The following TRPM6 variants were observed in gnomAD, a reference collection of about 807,000 sequenced individuals.
The protein encoded by TRPM6 is transient receptor potential cation channel subfamily M member 6.
Under a neutral mutation model 247.6 loss-of-function variants are expected in TRPM6, and 111 were observed. The observed-to-expected ratio is 0.45, with a 90% confidence interval of 0.38 to 0.52. The LOEUF is 0.52. Among genes scored for constraint, TRPM6 ranks in the 20% least tolerant of loss-of-function variants. The probability of loss-of-function intolerance (pLI) is 0.00; values close to 1 mark genes in which losing one functional copy is unlikely to be tolerated. For synonymous variants in TRPM6, 892 were observed against 853.8 expected (o/e 1.04, Z -0.78); for missense variants, 2,126 against 2,421.5 (o/e 0.88, Z 2.56).
intron 1 of TRPM6, among the ~76,000 whole-genome samples, chr9:74,873,077 T>C (rs1365621202): frequency 1.3e-5 from 2 of 152,272 alleles, no homozygotes; most frequent in African/African-American, 2.4e-5. Context: ...TCCTACCTGA[T>C]CTCTTGCCCC....
Position 74,754,824 on chromosome 9 carries a change from G to A in TRPM6, c.4906+529C>T, listed in dbSNP as rs545370499. 4.6e-5 allele frequency among the ~76,000 whole-genome samples: 7 copies of A among 152,108 alleles called. No homozygotes were observed. In the East Asian group the frequency reaches 1.4e-3, roughly 29 times the overall value. On this transcript the variant is annotated intron_variant, in intron 28 of 38. Coordinates refer to ENST00000360774, the MANE Select transcript of TRPM6 (RefSeq NM_017662.5). ...CTTACCTGTCCAGACCTATTTCACCGTCCAGGCCTAGCCCATAGTATTCAT... is the reference window on the plus strand; with the variant it reads ...CTTACCTGTCCAGACCTATTTCACCATCCAGGCCTAGCCCATAGTATTCAT...
At chr9:74,725,407 A>T (rs1825282155) in intron 38 of TRPM6, among the ~76,000 whole-genome samples, 1 of 152,178 alleles carries the variant, frequency 6.6e-6, no homozygotes, top group Middle Eastern at 3.2e-3. Flanking sequence ...TGGAAATAAA[A>T]CTAATACATA....
At position 74,802,116 on chromosome 9, in the gene TRPM6, A is replaced by T; in HGVS notation, c.1791T>A (p.Asp597Glu). The T allele has an allele frequency of 4.3e-6, 7 of 1,614,158 alleles. No individual in the cohort carries two copies. The highest frequency in any genetic ancestry group is 5.9e-6 in the Non-Finnish European group (7 of 1,179,980). ...RKKSKEQNVS[D>E]DPESTGFLYP... The stretch of plus-strand genomic sequence containing the variant: ...AAAGAAAGCCAGTAGACTCAGGGTC[A>T]TCTGATACATTTTGTTCTTTTGACT... Residue 597 changes from aspartate to glutamate, a missense_variant, in exon 16 of 39, where the codon GAT becomes GAA. Coordinates refer to ENST00000360774, the MANE Select transcript of TRPM6 (RefSeq NM_017662.5).
At chr9:74,850,678 C>A (rs1285697701) in intron 3 of TRPM6, among the ~76,000 whole-genome samples, 1 of 151,994 alleles carries the variant, frequency 6.6e-6, no homozygotes, top group East Asian at 1.9e-4. Flanking sequence ...CGAGATCACA[C>A]CATTGCACTT....
rs7863849 is a variant in TRPM6 at position 74,818,723 on chromosome 9, A to T, written c.1134+1581T>A. On this transcript the variant is annotated intron_variant, in intron 9 of 38. Transcript: ENST00000360774. ...TGAACTCACTCACAGGGCTATTTCA[A>T]ATGAAAAGAATACATTTAGAAGCAT... 4.3e-3 allele frequency among the ~76,000 whole-genome samples: 656 copies of T among 152,314 alleles called. 6 individuals are homozygous for T. Among genetic ancestry groups the T allele is most frequent in the African/African-American group, 0.015 (620 of 41,578 alleles).
At chr9:74,752,461 T>A (rs1826281846) in intron 28 of TRPM6, 93 bp from the exon 29 acceptor site, 2 of 742,188 alleles carry the variant, frequency 2.7e-6, no homozygotes, top group Non-Finnish European at 4.6e-6. Flanking sequence ...ACACAGTACA[T>A]TCATTTAAAC....
chr9:74,847,441 C>T (rs182024509), intron 3 of TRPM6, among the ~76,000 whole-genome samples: 1 of 152,198 alleles, frequency 6.6e-6, no homozygotes, highest in Admixed American at 6.5e-5. Context: ...CTCAGTCTCC[C>T]AAAGTGCTGG....
At chr9:74,878,031 G>A (rs1284950576) in intron 1 of TRPM6, among the ~76,000 whole-genome samples, 1 of 152,016 alleles carries the variant, frequency 6.6e-6, no homozygotes, top group Non-Finnish European at 1.5e-5. Flanking sequence ...GTTGGCACCT[G>A]AGCTCTCCTC....
intron 30 of TRPM6, among the ~76,000 whole-genome samples, chr9:74,750,112 A>C (rs910840224): frequency 2.0e-5 from 3 of 152,194 alleles, no homozygotes; most frequent in African/African-American, 4.8e-5. Context: ...TGAGTTCTCT[A>C]TCTTCTTTCT....
At chr9:74,855,462 T>C (rs1294172015) in intron 3 of TRPM6, 65 bp downstream of exon 3, 1 of 1,082,072 alleles carries the variant, frequency 9.2e-7, no homozygotes, top group African/African-American at 1.5e-5. Flanking sequence ...ATGAGGAAAC[T>C]GTCCCAGTGA....
chr9:74,848,995 C>A (rs1200976593), intron 3 of TRPM6, among the ~76,000 whole-genome samples: 1 of 152,132 alleles, frequency 6.6e-6, no homozygotes. Context: ...TGTTTTCTGA[C>A]AAAATTCATA....
intron 30 of TRPM6, among the ~76,000 whole-genome samples, chr9:74,748,174 G>A (rs767543360): frequency 2.6e-5 from 4 of 152,110 alleles, no homozygotes; most frequent in African/African-American, 4.8e-5. Flanking sequence ...ATGTCACAGC[G>A]CAATGCATTA....
intron 7 of TRPM6, among the ~76,000 whole-genome samples, chr9:74,822,084 A>T (rs1222367553): frequency 2.6e-5 from 4 of 152,122 alleles, no homozygotes; most frequent in African/African-American, 7.2e-5. Context: ...GCTTTCAATA[A>T]TTTTTCAAAA....
intron 1 of TRPM6, chr9:74,887,296 A>AG: frequency 7.3e-7 from 1 of 1,362,514 alleles, no homozygotes; most frequent in African/African-American, 1.5e-5. Flanking sequence ...GGGGACGCGC[A>AG]GGGGCGCGGA....
chr9:74,820,143 T>C, intron 9 of TRPM6, 161 bp downstream of exon 9: 2 of 737,264 alleles, frequency 2.7e-6, no homozygotes, highest in Non-Finnish European at 4.6e-6. Context: ...ATTAGCTATT[T>C]ATCCTGATTT....
intron 31 of TRPM6, 67 bp downstream of exon 31, chr9:74,747,822 G>A (rs553421395): frequency 7.7e-7 from 1 of 1,295,220 alleles, no homozygotes; most frequent in South Asian, 1.2e-5. Context: ...AATATCAGCA[G>A]GACAGTGAAC....
At chr9:74,805,012 T>C (rs1828484057) in intron 14 of TRPM6, among the ~76,000 whole-genome samples, 1 of 152,314 alleles carries the variant, frequency 6.6e-6, no homozygotes, top group Admixed American at 6.5e-5. Context: ...TTAAAATTAG[T>C]TTAATTTTAC....
At chr9:74,808,726 G>A (rs1407480615) in intron 13 of TRPM6, among the ~76,000 whole-genome samples, 1 of 152,180 alleles carries the variant, frequency 6.6e-6, no homozygotes, top group Admixed American at 6.5e-5. Context: ...ACTTTGCACT[G>A]CGTTGACTAC....
intron 11 of TRPM6, among the ~76,000 whole-genome samples, chr9:74,815,419 C>T (rs746337889): frequency 9.9e-5 from 15 of 152,062 alleles, no homozygotes; most frequent in Non-Finnish European, 1.8e-4. Flanking sequence ...CATGTAAGTC[C>T]TCAAAATATG....
Sources: allele counts gnomAD v4.1 joint callset (sites outside exome capture counted in the v4.1 genomes callset), GRCh38; gene constraint gnomAD v4.1.1; transcripts MANE v1.5; gene names NCBI Gene and HGNC (gene_info 2026-07-23, HGNC 2026-07-21).